The following ATAD2B variants were observed in gnomAD, a reference collection of about 807,000 sequenced individuals.
ATAD2B encodes the protein ATPase family AAA domain containing 2B.
A neutral mutation model predicts 167.6 loss-of-function variants in ATAD2B; 40 were observed. The ratio of observed to expected loss-of-function variants is 0.24; its 90% CI spans 0.19 to 0.31. The LOEUF is 0.31. Ranked by LOEUF, ATAD2B falls within the 10% of genes least tolerant of loss-of-function variation. The pLI, the probability that ATAD2B is intolerant of heterozygous loss-of-function variation, is 1.00. For synonymous variants in ATAD2B, 579 were observed against 596.5 expected (o/e 0.97, Z 0.43); for missense variants, 1,242 against 1,757.2 (o/e 0.71, Z 5.24).
chr2:23,775,627 T>C (rs1678986231), intron 22 of ATAD2B, among the ~76,000 whole-genome samples: 1 of 152,172 alleles, frequency 6.6e-6, no homozygotes, highest in Non-Finnish European at 1.5e-5. Flanking sequence ...GAAAAACATG[T>C]AAATACTCCC....
intron 22 of ATAD2B, among the ~76,000 whole-genome samples, chr2:23,769,771 A>T (rs1235849329): frequency 7.4e-6 from 1 of 134,980 alleles, no homozygotes; most frequent in African/African-American, 2.8e-5. Context: ...GCTGGAGTGC[A>T]GTGGCATAAT....
At chr2:23,769,197 T>C (rs1197576214) in intron 22 of ATAD2B, among the ~76,000 whole-genome samples, 1 of 152,028 alleles carries the variant, frequency 6.6e-6, no homozygotes, top group African/African-American at 2.4e-5. Context: ...TCCCAGCACT[T>C]TGGGAGGCCA....
At chr2:23,744,225 A>G (rs951669968), downstream of ATAD2B, among the ~76,000 whole-genome samples, 1 of 152,104 alleles carries the variant, frequency 6.6e-6, no homozygotes, top group African/African-American at 2.4e-5. Flanking sequence ...TAAGAATAGT[A>G]TTTAGAAACA....
chr2:23,819,843 T>C lies in ATAD2B; in HGVS notation c.2171A>G (p.Asn724Ser). The C allele has an allele frequency of 1.3e-6, 2 of 1,590,860 alleles. No homozygotes were observed. Among genetic ancestry groups the C allele is most frequent in the Non-Finnish European group, 8.6e-7 (1 of 1,159,952 alleles). Residue 724 changes from asparagine to serine, a missense_variant, in exon 17 of 28, where the codon AAT becomes AGT. Physicochemically the swap from Asn to Ser is conservative, Grantham distance 46. Coordinates refer to ENST00000238789, the MANE Select transcript of ATAD2B (RefSeq NM_017552.4). ...ATTGGTCTCAAAAATTGATAAAGCATTTTCATCTTCACTATCCTCTAAAAT... is the reference window on the plus strand; with the variant it reads ...ATTGGTCTCAAAAATTGATAAAGCACTTTCATCTTCACTATCCTCTAAAAT... ...TLILEDSEDENALSIFETNCH... is the reference protein window; with the variant it reads ...TLILEDSEDESALSIFETNCH...
the ATAD2B span, among the ~76,000 whole-genome samples, chr2:23,685,798 G>A: frequency 3.3e-5 from 5 of 152,336 alleles, no homozygotes; most frequent in South Asian, 1.0e-3. Context: ...GGCCAGGGAG[G>A]ACTCTGTGCT....
At chr2:23,896,257 G>A (rs1418639223) in intron 1 of ATAD2B, among the ~76,000 whole-genome samples, 1 of 151,596 alleles carries the variant, frequency 6.6e-6, no homozygotes, top group African/African-American at 2.4e-5. Context: ...CCCAGGAGGC[G>A]GAGGCTGCCG....
At chr2:23,742,254 T>G in the ATAD2B span, among the ~76,000 whole-genome samples, 1 of 152,120 alleles carries the variant, frequency 6.6e-6, no homozygotes, top group Non-Finnish European at 1.5e-5. Flanking sequence ...CACATGCACA[T>G]GTATGTTTAC....
At chr2:23,814,741 GT>G (rs892670075) in intron 17 of ATAD2B, among the ~76,000 whole-genome samples, 1 of 152,062 alleles carries the variant, frequency 6.6e-6, no homozygotes, top group African/African-American at 2.4e-5. Flanking sequence ...GCTACAAAGG[GT>G]TTTGTAAGCC....
chr2:23,808,427 G>A (rs2149524769), intron 18 of ATAD2B, among the ~76,000 whole-genome samples: 1 of 151,574 alleles, frequency 6.6e-6, no homozygotes, highest in African/African-American at 2.4e-5. Context: ...ATATTCAACT[G>A]TCCCCCTCAG....
chr2:23,796,488 C>T (rs1682640641), intron 19 of ATAD2B, among the ~76,000 whole-genome samples: 1 of 152,098 alleles, frequency 6.6e-6, no homozygotes, highest in Non-Finnish European at 1.5e-5. Context: ...AAAATAAAAA[C>T]TGCTTATCAA....
chr2:23,884,326 T>A (rs1430560962), intron 6 of ATAD2B, among the ~76,000 whole-genome samples: 1 of 152,176 alleles, frequency 6.6e-6, no homozygotes, highest in Admixed American at 6.5e-5. Flanking sequence ...CCCTTTCCAC[T>A]GGTATTAGAA....
At chr2:23,872,783 T>A in intron 8 of ATAD2B, 1 of 935,806 alleles carries the variant, frequency 1.1e-6, no homozygotes, top group Non-Finnish European at 1.8e-6. Context: ...CAACCACATC[T>A]GATCAATGGC....
Position 23,814,017 on chromosome 2 carries a change from C to G in ATAD2B, c.2268-3515G>C, listed in dbSNP as rs1168188947. Among the ~76,000 whole-genome samples, 5 of 152,244 alleles carry G rather than the reference C, an allele frequency of 3.3e-5. No individual in the cohort carries two copies. The South Asian group carries it at 6.2e-4, about 19-fold the overall frequency. On this transcript the variant is annotated intron_variant, in intron 17 of 27. Transcript: ENST00000238789. ...CCTGTAATCCCAGCTACTTGGGAGGCTGAGTTGGGAGGCTCACTTGAGCTC... is the reference window on the plus strand; with the variant it reads ...CCTGTAATCCCAGCTACTTGGGAGGGTGAGTTGGGAGGCTCACTTGAGCTC...
chr2:23,924,390 G>A (rs1319457089), intron 1 of ATAD2B, among the ~76,000 whole-genome samples: 1 of 152,224 alleles, frequency 6.6e-6, no homozygotes, highest in Non-Finnish European at 1.5e-5. Context: ...CACAGACATA[G>A]AGGGTGTCTT....
rs1199507500 is a variant in ATAD2B, at chr2:23,876,906, A to G, written c.902-1002T>C. Among the ~76,000 whole-genome samples the G allele has an allele frequency of 5.9e-5, 9 of 151,858 alleles. No individual in the cohort carries two copies. The East Asian group carries it at 1.4e-3, about 23-fold the overall frequency. On this transcript the variant is annotated intron_variant, in intron 7 of 27. Coordinates refer to ENST00000238789, the MANE Select transcript of ATAD2B (RefSeq NM_017552.4). ...AACATGGAGAAACCCTGTCTCTACT[A>G]AAAACACAAAATTAGCCGGGCGTGG...
At position 23,859,105 on chromosome 2, in the gene ATAD2B, T is replaced by C. The variant is rs76399426; in HGVS notation, c.1480-1602A>G. Among the ~76,000 whole-genome samples, 25 of 152,278 alleles carry C rather than the reference T, an allele frequency of 1.6e-4. No individual in the cohort carries two copies. In the East Asian group the frequency reaches 4.6e-3, roughly 28 times the overall value. On this transcript the variant is annotated intron_variant, in intron 12 of 27. Transcript: ENST00000238789. ...AATATTTAAGGGTGCTCACCAGCAA[T>C]GTATTATCAAACTTATTGACCTTTG...
intron 2 of ATAD2B, among the ~76,000 whole-genome samples, chr2:23,891,259 A>G (rs1017225670): frequency 1.3e-5 from 2 of 152,068 alleles, no homozygotes; most frequent in African/African-American, 2.4e-5. Flanking sequence ...ACCTCAGGTG[A>G]TCCACCCGCC....
At chr2:23,894,339 G>A (rs1699919752) in intron 2 of ATAD2B, among the ~76,000 whole-genome samples, 1 of 151,958 alleles carries the variant, frequency 6.6e-6, no homozygotes, top group Non-Finnish European at 1.5e-5. Flanking sequence ...AAATTAGCTG[G>A]GCGTGGTGGC....
chr2:23,827,738 C>T (rs1403520031), intron 15 of ATAD2B: 1 of 152,662 alleles, frequency 6.6e-6, no homozygotes, highest in African/African-American at 2.4e-5. Flanking sequence ...CGCATGCTCT[C>T]TTATACCAGG....
Sources: gnomAD v4.1 joint callset for allele counts (sites outside exome capture counted in the v4.1 genomes callset) on GRCh38, gnomAD v4.1.1 for gene constraint, MANE v1.5 for transcripts, NCBI Gene and HGNC (gene_info 2026-07-23, HGNC 2026-07-21) for gene names.